Variants in DENND2B observed in about 807,000 individuals in gnomAD.
The protein encoded by DENND2B is DENN domain containing 2B.
Under a neutral mutation model 116.0 loss-of-function variants are expected in DENND2B, and 32 were observed. The ratio of observed to expected loss-of-function variants is 0.28; its 90% CI spans 0.21 to 0.37. The LOEUF (loss-of-function observed/expected upper bound fraction) is 0.37, where lower values mean the gene tolerates loss of function less well. DENND2B is among the 10% of genes least tolerant of loss of function. The pLI is 1.00. For missense variants in DENND2B, 1,276 were observed against 1,477.7 expected (o/e 0.86, Z 2.24); for synonymous variants, 588 against 583.9 (o/e 1.01, Z -0.10).
In DENND2B at chr11:8,700,070, G is replaced by C. The variant is rs548546811; in HGVS notation, c.2721-680C>G. 2.6e-3 allele frequency: 1,186 copies of C among 451,114 alleles called. 8 individuals are homozygous for C. Among genetic ancestry groups the C allele is most frequent in the Non-Finnish European group, 3.7e-3 (820 of 223,430 alleles). The allele number at this position is 451,114 out of a possible 1,614,324, so 27.9% of individuals were successfully genotyped here. A position where few individuals can be genotyped will look rare whatever the true frequency, so the allele number is the denominator to read the frequency against. On this transcript the variant is annotated intron_variant, in intron 14 of 19. Coordinates refer to ENST00000313726, the MANE Select transcript of DENND2B (RefSeq NM_213618.2). ...AGCCCCACGGGAGCTGGCCTGGGGG[G>C]GGGCAGGGTGGCAAAGAGGAAGCTC... is the stretch of plus-strand genomic sequence containing the variant.
intron 4 of DENND2B, among the ~76,000 whole-genome samples, chr11:8,836,525 G>A (rs1363678004): frequency 2.1e-5 from 3 of 143,620 alleles, no homozygotes; most frequent in Admixed American, 7.4e-5. Context: ...AGGTTCAAAC[G>A]ATTCTCCTGT....
chr11:8,788,918 G>C (rs2059142857), intron 1 of DENND2B, among the ~76,000 whole-genome samples: 1 of 152,052 alleles, frequency 6.6e-6, no homozygotes, highest in Admixed American at 6.5e-5. Flanking sequence ...CTTTCCTTCT[G>C]CCAATCCAGG....
At chr11:8,697,965 C>A in intron 16 of DENND2B, 1 of 461,860 alleles carries the variant, frequency 2.2e-6, no homozygotes. Flanking sequence ...GTCCCTCTAT[C>A]TGCAAAACAC....
chr11:8,880,722 G>T (rs1405894791), intron 2 of DENND2B, among the ~76,000 whole-genome samples: 3 of 152,076 alleles, frequency 2.0e-5, no homozygotes, highest in Admixed American at 6.5e-5. Flanking sequence ...AAATAAAACT[G>T]ACAGGCTTCA....
chr11:8,902,961 G>A (rs2064187871), intron 1 of DENND2B, among the ~76,000 whole-genome samples: 3 of 152,108 alleles, frequency 2.0e-5, no homozygotes, highest in Admixed American at 1.3e-4. Context: ...CCAGGTTCAA[G>A]CAATTCTCCT....
intron 1 of DENND2B, among the ~76,000 whole-genome samples, chr11:8,783,205 G>C (rs1397277725): frequency 6.6e-6 from 1 of 151,904 alleles, no homozygotes; most frequent in African/African-American, 2.4e-5. Flanking sequence ...CAGGCATGTA[G>C]CACCACACCA....
intron 1 of DENND2B, among the ~76,000 whole-genome samples, chr11:8,770,578 C>T (rs1007337465): frequency 6.6e-6 from 1 of 152,180 alleles, no homozygotes; most frequent in Non-Finnish European, 1.5e-5. Flanking sequence ...TTCTATCCTG[C>T]TGCATTTTGC....
At chr11:8,909,439 A>AGGAAGAAGG (rs1555224065) in intron 1 of DENND2B, among the ~76,000 whole-genome samples, 15 of 149,348 alleles carry the variant, frequency 1.0e-4, no homozygotes, top group African/African-American at 3.7e-4. Flanking sequence ...GAGGAGGAGG[A>AGGAAGAAGG]AGAAGGAGAA....
intron 1 of DENND2B, among the ~76,000 whole-genome samples, chr11:8,773,562 AGACAGAG>A (rs1158337534): frequency 6.6e-6 from 1 of 152,180 alleles, no homozygotes; most frequent in African/African-American, 2.4e-5. Flanking sequence ...GACCCTATTG[AGACAGAG>A]TCAGAAAGTG....
At chr11:8,788,773 C>G (rs912747882) in intron 1 of DENND2B, among the ~76,000 whole-genome samples, 3 of 152,224 alleles carry the variant, frequency 2.0e-5, no homozygotes, top group African/African-American at 7.2e-5. Context: ...CAAAACCTTG[C>G]CCTCTACTGT....
At chr11:8,847,039 T>C (rs1411991129) in intron 3 of DENND2B, among the ~76,000 whole-genome samples, 2 of 152,264 alleles carry the variant, frequency 1.3e-5, no homozygotes, top group African/African-American at 2.4e-5. Context: ...GTTCATTATA[T>C]ACATGTGGAT....
At chr11:8,776,093 T>C (rs1405214539) in intron 1 of DENND2B, 1 of 413,354 alleles carries the variant, frequency 2.4e-6, no homozygotes, top group African/African-American at 2.0e-5. Context: ...TCCCCAGACC[T>C]GCCCACACAG....
chr11:8,713,653 T>C (rs2044192255), intron 8 of DENND2B, among the ~76,000 whole-genome samples: 1 of 152,170 alleles, frequency 6.6e-6, no homozygotes, highest in Non-Finnish European at 1.5e-5. Flanking sequence ...GTGCTGGGAT[T>C]ACAGGCATGA....
rs149135073 is a variant in DENND2B at position 8,740,948 on chromosome 11, G to A, written c.80+9673C>T. Among the ~76,000 whole-genome samples the A allele has an allele frequency of 5.3e-3, 807 of 152,294 alleles. 8 individuals are homozygous for A. Among genetic ancestry groups the A allele is most frequent in the African/African-American group, 0.018 (732 of 41,556 alleles). ...AGCAAGTCCAAGAGTTTGTTCCCCA[G>A]CCTAGAGCAGAAACTTGCCCAGTAA... On this transcript the variant is annotated intron_variant, in intron 2 of 19. Transcript: ENST00000313726.
At chr11:8,708,005 G>C (rs1331401546) in intron 11 of DENND2B, 151 bp from the exon 12 acceptor site, 20 of 1,528,718 alleles carry the variant, frequency 1.3e-5, no homozygotes, top group African/African-American at 2.7e-5. Flanking sequence ...TCTGCAACCA[G>C]AGCCCTGAAG....
chr11:8,908,290 CAAAA>C lies in DENND2B; in HGVS notation c.-256+2527_-256+2530del, dbSNP rs376070743. ...GAAAAGTTTCAAAGAGCTGACCTGACAAAAAGAAAGTAGTGCCTCAACTGGAATG... is the reference window on the plus strand; with the variant it reads ...GAAAAGTTTCAAAGAGCTGACCTGACAGAAAGTAGTGCCTCAACTGGAATG... On this transcript the variant is annotated intron_variant, in intron 1 of 22. Coordinates refer to the DENND2B transcript ENST00000534127. 2.2e-3 allele frequency among the ~76,000 whole-genome samples: 337 copies of C among 152,102 alleles called. 1 individual carries two copies. Among genetic ancestry groups the C allele is most frequent in the African/African-American group, 7.5e-3 (313 of 41,494 alleles).
chr11:8,903,431 A>G (rs926769847), intron 1 of DENND2B, among the ~76,000 whole-genome samples: 37 of 150,288 alleles, frequency 2.5e-4, no homozygotes, highest in African/African-American at 8.5e-4. Context: ...AAAAAAAAGG[A>G]TATTACAAGT....
Position 8,897,265 on chromosome 11 carries a change from A to C in DENND2B, c.-256+13556T>G, listed in dbSNP as rs530489966. 3.3e-5 allele frequency among the ~76,000 whole-genome samples: 5 copies of C among 152,256 alleles called. No homozygotes were observed. The South Asian group carries it at 1.0e-3, about 32-fold the overall frequency. ...GAGCACGACACCATCTCAAACAAACAAACTAACTAACTAACCAGAGGCACA... is the reference window on the plus strand; with the variant it reads ...GAGCACGACACCATCTCAAACAAACCAACTAACTAACTAACCAGAGGCACA... On this transcript the variant is annotated intron_variant, in intron 1 of 22. Transcript: ENST00000534127.
chr11:8,795,729 A>T (rs7944560), intron 1 of DENND2B, among the ~76,000 whole-genome samples: 63,146 of 151,994 alleles, frequency 0.42, 13,766 homozygotes, highest in Non-Finnish European at 0.47. Context: ...TCATATTCAA[A>T]TGTGTTTCCT....
Sources: allele counts gnomAD v4.1 joint callset (sites outside exome capture counted in the v4.1 genomes callset), GRCh38; gene constraint gnomAD v4.1.1; transcripts MANE v1.5; gene names NCBI Gene and HGNC (gene_info 2026-07-23, HGNC 2026-07-21).